The following ZNF782 variants were observed in gnomAD, a reference collection of about 807,000 sequenced individuals.
ZNF782 encodes zinc finger protein 782.
A neutral mutation model predicts 13.0 loss-of-function variants in ZNF782; 12 were observed. The observed-to-expected ratio is 0.92, with a 90% CI of 0.59 to 1.50. The LOEUF is 1.50. ZNF782 is among the 40% of genes most tolerant of loss of function. ZNF782 has a pLI of 0.00. For synonymous variants in ZNF782, 284 were observed against 283.0 expected (o/e 1.00, Z -0.04); for missense variants, 770 against 822.9 (o/e 0.94, Z 0.79).
At chr9:96,869,202 T>C (rs1851795747) in intron 1 of ZNF782, among the ~76,000 whole-genome samples, 1 of 152,182 alleles carries the variant, frequency 6.6e-6, no homozygotes. Flanking sequence ...CTTTTTGGCA[T>C]GTAGTTTATG....
At chr9:96,837,148 T>C (rs78418807) in intron 4 of ZNF782, among the ~76,000 whole-genome samples, 4,442 of 152,330 alleles carry the variant, frequency 0.029, 233 homozygotes, top group African/African-American at 0.1. Context: ...CACACTCATC[T>C]TGTACATTTC....
At chr9:96,880,732 T>G in the ZNF782 span, among the ~76,000 whole-genome samples, 1 of 152,330 alleles carries the variant, frequency 6.6e-6, no homozygotes, top group East Asian at 1.9e-4. Flanking sequence ...GAAGAAGAAT[T>G]GGTCTATAGT....
the ZNF782 span, chr9:96,892,653 C>CTT: frequency 1.3e-5 from 2 of 150,656 alleles, no homozygotes; most frequent in Non-Finnish European, 2.9e-5. Context: ...TTTATGAGTT[C>CTT]TTTAATTTTT....
At chr9:96,896,566 G>A in the ZNF782 span, among the ~76,000 whole-genome samples, 1 of 152,142 alleles carries the variant, frequency 6.6e-6, no homozygotes, top group Non-Finnish European at 1.5e-5. Context: ...AGAATAAGTT[G>A]TTGCATCTAG....
Position 96,818,257 on chromosome 9 carries a change from G to C in ZNF782, c.1766C>G (p.Pro589Arg), listed in dbSNP as rs752354861. ...TTTTCCACACTCCTCACATTGATAG[G>C]GTTTCTCCCCAGTATGAGTTCTGTG... ...VHHRTHTGEK[P>R]YQCEECGKTF... The change falls in exon 6 of 6, where the codon CCC becomes CGC. Residue 589 changes from proline to arginine, a missense_variant. By Grantham distance (103) the Pro-to-Arg change is moderately radical. Coordinates refer to ENST00000481138, the MANE Select transcript of ZNF782 (RefSeq NM_001001662.3). 16 of 1,613,614 alleles carry C rather than the reference G, an allele frequency of 9.9e-6. No individual in the cohort carries two copies. The East Asian group carries it at 3.6e-4, about 36-fold the overall frequency.
the ZNF782 span, chr9:96,897,812 A>C: frequency 6.6e-6 from 1 of 151,896 alleles, no homozygotes; most frequent in South Asian, 2.1e-4. Flanking sequence ...TGCAACACAC[A>C]GTTCCTTGTC....
the ZNF782 span, among the ~76,000 whole-genome samples, chr9:96,924,741 A>C: frequency 6.6e-6 from 1 of 152,210 alleles, no homozygotes; most frequent in Non-Finnish European, 1.5e-5. Context: ...TCACGGTTTC[A>C]ACTGCTGAGG....
intron 2 of ZNF782, chr9:96,860,505 A>G (rs1851691616): frequency 6.6e-6 from 1 of 152,228 alleles, no homozygotes; most frequent in Admixed American, 6.5e-5. Context: ...TCCAGGTCTG[A>G]TCCAAGACCA....
the ZNF782 span, chr9:96,895,539 T>C: frequency 6.6e-6 from 1 of 152,170 alleles, no homozygotes; most frequent in African/African-American, 2.4e-5. Context: ...ATACTGTTCA[T>C]TTTTCTCTCA....
At chr9:96,899,991 G>T in the ZNF782 span, among the ~76,000 whole-genome samples, 1 of 151,880 alleles carries the variant, frequency 6.6e-6, no homozygotes, top group African/African-American at 2.4e-5. Context: ...TAGAGATGAG[G>T]TTTTGCCACG....
the ZNF782 span, among the ~76,000 whole-genome samples, chr9:96,885,286 A>G: frequency 6.6e-6 from 1 of 152,168 alleles, no homozygotes; most frequent in Non-Finnish European, 1.5e-5. Context: ...TTCACCAAAG[A>G]AACAAAAATT....
rs1020143698 is a variant in ZNF782 at position 96,819,582 on chromosome 9, C to G, written c.441G>C (p.Gly147=). Residue 147 remains glycine, a synonymous_variant, in exon 6 of 6, where the codon GGG becomes GGC. Coordinates refer to ENST00000481138, the MANE Select transcript of ZNF782 (RefSeq NM_001001662.3). The part of the protein sequence containing the change: ...KCDIAGSACQ[G]LSLMAPHCQY... ...GACAGTGTGGGGCCATCAGGCTGAG[C>G]CCCTGGCAAGCAGACCCCGCAATGT... 5.0e-6 allele frequency: 8 copies of G among 1,613,688 alleles called. No homozygotes were observed. Among genetic ancestry groups the G allele is most frequent in the Non-Finnish European group, 5.9e-6 (7 of 1,179,916 alleles).
chr9:96,833,507 T>C (rs1850874451), intron 4 of ZNF782, among the ~76,000 whole-genome samples: 1 of 152,226 alleles, frequency 6.6e-6, no homozygotes, highest in Non-Finnish European at 1.5e-5. Flanking sequence ...AAAGTGGGGT[T>C]ATGTATTCCT....
intron 4 of ZNF782, among the ~76,000 whole-genome samples, chr9:96,835,185 G>A (rs1203964406): frequency 6.6e-6 from 1 of 152,192 alleles, no homozygotes; most frequent in Non-Finnish European, 1.5e-5. Flanking sequence ...AACCTTCTAG[G>A]CAGCAAAGTG....
chr9:96,848,401 A>G (rs1168685084), intron 3 of ZNF782, among the ~76,000 whole-genome samples: 1 of 152,212 alleles, frequency 6.6e-6, no homozygotes. Context: ...ATATGATCAT[A>G]TACCTAGAAA....
intron 5 of ZNF782, among the ~76,000 whole-genome samples, chr9:96,825,840 C>G (rs1850599107): frequency 6.6e-6 from 1 of 151,024 alleles, no homozygotes; most frequent in African/African-American, 2.4e-5. Context: ...AAATCAAAAC[C>G]ACAATGAGAT....
At chr9:96,852,085 C>T in intron 2 of ZNF782, 80 bp from the exon 3 acceptor site, 1 of 909,326 alleles carries the variant, frequency 1.1e-6, no homozygotes, top group Non-Finnish European at 1.7e-6. Flanking sequence ...TCTCAGCAAC[C>T]CAGTTGGAGA....
the ZNF782 span, among the ~76,000 whole-genome samples, chr9:96,915,284 CTT>C: frequency 6.6e-6 from 1 of 152,090 alleles, no homozygotes; most frequent in African/African-American, 2.4e-5. Flanking sequence ...CGTGCCTGCT[CTT>C]TGTTGAAAAT....
chr9:96,921,230 T>G, the ZNF782 span, among the ~76,000 whole-genome samples: 2 of 150,676 alleles, frequency 1.3e-5, no homozygotes, highest in Non-Finnish European at 1.5e-5. Flanking sequence ...ATTTTTTTTT[T>G]TTTAAATCAC....
Sources: allele counts gnomAD v4.1 joint callset (sites outside exome capture counted in the v4.1 genomes callset), GRCh38; gene constraint gnomAD v4.1.1; transcripts MANE v1.5; gene names NCBI Gene and HGNC (gene_info 2026-07-23, HGNC 2026-07-21).